TMEM132D: variants seen among roughly 807,000 people sequenced by gnomAD.
TMEM132D encodes the protein transmembrane protein 132D, also known as mature OL transmembrane protein.
In TMEM132D, 21 loss-of-function variants were observed where a neutral mutation model predicts 62.3. That is an observed-to-expected ratio of 0.34 (90% CI 0.24 to 0.49). The LOEUF is 0.49. TMEM132D is among the 20% of genes least tolerant of loss of function. TMEM132D has a pLI of 0.99. For missense variants in TMEM132D, 1,346 were observed against 1,402.8 expected (o/e 0.96, Z 0.65); for synonymous variants, 621 against 575.6 (o/e 1.08, Z -1.13).
At chr12:129,175,038 T>C (rs1162535745) in intron 5 of TMEM132D, among the ~76,000 whole-genome samples, 5 of 152,132 alleles carry the variant, frequency 3.3e-5, no homozygotes, top group Non-Finnish European at 7.4e-5. Flanking sequence ...TGTTCACTCT[T>C]ATGATAGTTT....
intron 4 of TMEM132D, among the ~76,000 whole-genome samples, chr12:129,241,150 CAAA>C (rs35152074): frequency 4.1e-4 from 39 of 95,606 alleles, no homozygotes; most frequent in African/African-American, 4.9e-4. Flanking sequence ...CCTCTTACCT[CAAA>C]AAAAAAAAAA....
In TMEM132D at chr12:129,449,396, C is replaced by T. The variant is rs117389410; in HGVS notation, c.1115+81663G>A. On this transcript the variant is annotated intron_variant, in intron 3 of 8. Coordinates refer to ENST00000422113, the MANE Select transcript of TMEM132D (RefSeq NM_133448.3). The stretch of plus-strand genomic sequence containing the variant: ...AACCAACCAGCTCAGCTTCTAATCA[C>T]CGTGCAGAGTTAGGTAAGGCTGTAG... Among the ~76,000 whole-genome samples, 337 of 152,282 alleles carry T rather than the reference C, an allele frequency of 2.2e-3. 1 individual carries two copies. The highest frequency in any genetic ancestry group is 2.8e-3 in the Non-Finnish European group (188 of 68,018).
At chr12:129,207,910 G>A (rs1479237840) in intron 5 of TMEM132D, among the ~76,000 whole-genome samples, 1 of 152,136 alleles carries the variant, frequency 6.6e-6, no homozygotes, top group African/African-American at 2.4e-5. Flanking sequence ...TTTATGCTAG[G>A]AATGTTAGTA....
At chr12:129,465,413 T>C (rs1278339399) in intron 3 of TMEM132D, among the ~76,000 whole-genome samples, 1 of 152,040 alleles carries the variant, frequency 6.6e-6, no homozygotes, top group Non-Finnish European at 1.5e-5. Context: ...CTCTCACCAC[T>C]CCTATTCAAC....
At chr12:129,207,603 C>T (rs114823762) in intron 5 of TMEM132D, among the ~76,000 whole-genome samples, 19 of 152,214 alleles carry the variant, frequency 1.2e-4, no homozygotes, top group African/African-American at 4.3e-4. Context: ...TGTCCTGTTA[C>T]AGGAGTGGCC....
chr12:129,612,524 G>A (rs893438687), intron 2 of TMEM132D, among the ~76,000 whole-genome samples: 2 of 152,126 alleles, frequency 1.3e-5, no homozygotes, highest in African/African-American at 4.8e-5. Flanking sequence ...GTGTAGTAAC[G>A]TAGTAGACTT....
chr12:129,296,639 G>T (rs988768013), intron 4 of TMEM132D, among the ~76,000 whole-genome samples: 4 of 152,156 alleles, frequency 2.6e-5, no homozygotes, highest in African/African-American at 9.7e-5. Context: ...TGTGAGATAC[G>T]TTAAAGGCAC....
chr12:129,865,996 A>C (rs1256160630), intron 1 of TMEM132D, among the ~76,000 whole-genome samples: 5 of 152,082 alleles, frequency 3.3e-5, no homozygotes, highest in Admixed American at 3.3e-4. Flanking sequence ...AGACATCGTT[A>C]AGTTTGGTGT....
intron 4 of TMEM132D, among the ~76,000 whole-genome samples, chr12:129,313,173 A>T (rs75939770): frequency 2.9e-5 from 4 of 138,036 alleles, no homozygotes; most frequent in South Asian, 2.4e-4. Context: ...TTTATTTTAT[A>T]TTTTATTTTT....
At chr12:129,311,353 T>C (rs570547317) in intron 4 of TMEM132D, among the ~76,000 whole-genome samples, 2 of 152,162 alleles carry the variant, frequency 1.3e-5, no homozygotes, top group East Asian at 3.9e-4. Context: ...TGAAAATTAG[T>C]AGCACATGGT....
intron 5 of TMEM132D, among the ~76,000 whole-genome samples, chr12:129,184,311 C>A (rs981992815): frequency 6.6e-6 from 1 of 152,208 alleles, no homozygotes; most frequent in South Asian, 2.1e-4. Flanking sequence ...ACACAGAAAT[C>A]GGTCACCTTC....
At chr12:129,797,871 G>C (rs1024246030) in intron 1 of TMEM132D, among the ~76,000 whole-genome samples, 1 of 152,142 alleles carries the variant, frequency 6.6e-6, no homozygotes, top group Non-Finnish European at 1.5e-5. Flanking sequence ...ATGCATCCTT[G>C]GTATAGTTGT....
At chr12:129,796,089 C>T (rs1172146921) in intron 1 of TMEM132D, among the ~76,000 whole-genome samples, 4 of 152,030 alleles carry the variant, frequency 2.6e-5, no homozygotes, top group Non-Finnish European at 5.9e-5. Flanking sequence ...AATCCCAGCA[C>T]TTTGGGAGGC....
At chr12:129,836,554 G>T (rs1007749433) in intron 1 of TMEM132D, among the ~76,000 whole-genome samples, 2 of 151,964 alleles carry the variant, frequency 1.3e-5, no homozygotes, top group Non-Finnish European at 2.9e-5. Context: ...CTGAGAGAAT[G>T]TCATATTACC....
At chr12:129,813,272 A>AC (rs1565994943) in intron 1 of TMEM132D, among the ~76,000 whole-genome samples, 1 of 151,198 alleles carries the variant, frequency 6.6e-6, no homozygotes, top group East Asian at 2.0e-4. Context: ...TTCCTCACAT[A>AC]CTCCCGACCT....
intron 2 of TMEM132D, among the ~76,000 whole-genome samples, chr12:129,692,667 G>A (rs187192664): frequency 7.9e-5 from 12 of 152,232 alleles, no homozygotes; most frequent in Non-Finnish European, 1.0e-4. Context: ...CTATGCAGCC[G>A]TGACAAGAAA....
chr12:129,745,889 A>G (rs1869760346), intron 1 of TMEM132D, among the ~76,000 whole-genome samples: 1 of 151,968 alleles, frequency 6.6e-6, no homozygotes, highest in Non-Finnish European at 1.5e-5. Context: ...GATCCCATAA[A>G]CCAGTCTTCC....
At chr12:129,615,204 T>C (rs1878881228) in intron 2 of TMEM132D, among the ~76,000 whole-genome samples, 2 of 152,152 alleles carry the variant, frequency 1.3e-5, no homozygotes, top group Non-Finnish European at 1.5e-5. Context: ...AGGCAGGCTC[T>C]AGAACAGGGA....
At chr12:129,301,114 G>A (rs1881703721) in intron 4 of TMEM132D, among the ~76,000 whole-genome samples, 1 of 152,084 alleles carries the variant, frequency 6.6e-6, no homozygotes, top group South Asian at 2.1e-4. Flanking sequence ...ACACTTTGAG[G>A]GGTTGCTATT....
Sources: allele counts gnomAD v4.1 joint callset (sites outside exome capture counted in the v4.1 genomes callset), GRCh38; gene constraint gnomAD v4.1.1; transcripts MANE v1.5; gene names NCBI Gene and HGNC (gene_info 2026-07-23, HGNC 2026-07-21).